The following DERA variants were observed in gnomAD, a reference collection of about 807,000 sequenced individuals.
DERA encodes deoxyribose-phosphate aldolase.
Under a neutral mutation model 41.1 loss-of-function variants are expected in DERA, and 15 were observed. That is an observed-to-expected ratio of 0.37 (90% CI 0.24 to 0.56). DERA has a LOEUF of 0.56. Among genes scored for constraint, DERA ranks in the 20% least tolerant of loss-of-function variants. The probability of loss-of-function intolerance (pLI) is 0.81; values close to 1 mark genes in which losing one functional copy is unlikely to be tolerated. For synonymous variants in DERA, 139 were observed against 137.4 expected (o/e 1.01, Z -0.08); for missense variants, 396 against 403.4 (o/e 0.98, Z 0.16).
At chr12:16,029,418 C>T (rs1402503424) in intron 6 of DERA, among the ~76,000 whole-genome samples, 2 of 144,386 alleles carry the variant, frequency 1.4e-5, no homozygotes, top group Non-Finnish European at 3.0e-5. Context: ...CAGAGCGAGA[C>T]TCCGTCTCAA....
chr12:15,964,190 AG>A (rs1307377241), intron 5 of DERA, among the ~76,000 whole-genome samples: 1 of 152,234 alleles, frequency 6.6e-6, no homozygotes, highest in Non-Finnish European at 1.5e-5. Flanking sequence ...ACCATAGGAA[AG>A]AAAGGCTTTT....
At chr12:15,917,333 C>T (rs1948208028) in intron 1 of DERA, among the ~76,000 whole-genome samples, 1 of 152,120 alleles carries the variant, frequency 6.6e-6, no homozygotes, top group South Asian at 2.1e-4. Context: ...CAGGGAATTT[C>T]CCAACTGGAG....
At chr12:16,030,582 CTTCA>C (rs1199778819) in intron 6 of DERA, among the ~76,000 whole-genome samples, 1 of 152,112 alleles carries the variant, frequency 6.6e-6, no homozygotes, top group East Asian at 1.9e-4. Flanking sequence ...TGCACATTTC[CTTCA>C]TTCAATCTCT....
In DERA at chr12:16,010,340, C is replaced by G. The variant is rs1948938936; in HGVS notation, c.638-22202C>G. Among the ~76,000 whole-genome samples the G allele has an allele frequency of 1.3e-5, 2 of 152,160 alleles. No individual in the cohort carries two copies. The highest frequency in any genetic ancestry group is 4.8e-5 in the African/African-American group (2 of 41,428). ...CCCTTCACAACCTTCTCCTTGCTTT[C>G]TCCTTGCCTCATGTGTCTTCAGGAA... On this transcript the variant is annotated intron_variant, in intron 6 of 8. Transcript: ENST00000428559. The surrounding 1 kb of genome is among the most constrained non-coding windows in gnomAD (Gnocchi z 5.5).
rs1948745828 is a variant in DERA at position 15,983,519 on chromosome 12, C to T, written c.637+1083C>T. On this transcript the variant is annotated intron_variant, in intron 6 of 8. Coordinates refer to ENST00000428559, the MANE Select transcript of DERA (RefSeq NM_015954.4). This position sits in a 1 kb window ranked among gnomAD's most constrained non-coding sequence, Gnocchi z 6.2. The stretch of plus-strand genomic sequence containing the variant: ...CCACCTTTTTCAGGAATTATTTCCC[C>T]TGACACTGCTTCTCCCCCTGCTGTT... 6.6e-6 allele frequency among the ~76,000 whole-genome samples: 1 copy of T among 152,200 alleles called. No individual in the cohort carries two copies. Among genetic ancestry groups the T allele is most frequent in the Non-Finnish European group, 1.5e-5 (1 of 68,040 alleles).
intron 6 of DERA, among the ~76,000 whole-genome samples, chr12:16,028,889 AT>A (rs2136188425): frequency 6.6e-6 from 1 of 152,318 alleles, no homozygotes; most frequent in Non-Finnish European, 1.5e-5. Context: ...GCCAAGAGCA[AT>A]CTATGGAGGC....
rs1263427127 is a variant in DERA, at chr12:15,944,803, T to C, written c.32-12133T>C. 6.6e-5 allele frequency among the ~76,000 whole-genome samples: 10 copies of C among 152,220 alleles called. No homozygotes were observed. The East Asian group carries it at 1.7e-3, about 26-fold the overall frequency. On this transcript the variant is annotated intron_variant, in intron 1 of 8. Coordinates refer to ENST00000428559, the MANE Select transcript of DERA (RefSeq NM_015954.4). ...GGTGTTTTAGACATGAAGTCCTTGCTCATGCCTATGTCCTGAATGGTATTG... is the reference window on the plus strand; with the variant it reads ...GGTGTTTTAGACATGAAGTCCTTGCCCATGCCTATGTCCTGAATGGTATTG...
In DERA at chr12:16,011,628, G is replaced by T. The variant is rs571979416; in HGVS notation, c.638-20914G>T. ...CGATTTTGTCATTTTAACATGAGAT[G>T]ACTTTAAAACTAATCAATGAAAGGC... On this transcript the variant is annotated intron_variant, in intron 6 of 8. Coordinates refer to ENST00000428559, the MANE Select transcript of DERA (RefSeq NM_015954.4). The surrounding 1 kb of genome is among the most constrained non-coding windows in gnomAD (Gnocchi z 4.7). Among the ~76,000 whole-genome samples the T allele has an allele frequency of 1.3e-5, 2 of 152,256 alleles. No individual in the cohort carries two copies. The highest frequency in any genetic ancestry group is 4.8e-5 in the African/African-American group (2 of 41,552).
intron 1 of DERA, among the ~76,000 whole-genome samples, chr12:15,937,152 C>T (rs548169499): frequency 5.3e-5 from 8 of 152,182 alleles, no homozygotes; most frequent in Admixed American, 4.6e-4. Flanking sequence ...GACAGGGTCT[C>T]ACCATATTGC....
At position 15,981,039 on chromosome 12, in the gene DERA, C is replaced by T. The variant is rs1402369226; in HGVS notation, c.509-1269C>T. On this transcript the variant is annotated intron_variant, in intron 5 of 8. Coordinates refer to ENST00000428559, the MANE Select transcript of DERA (RefSeq NM_015954.4). This position sits in a 1 kb window ranked among gnomAD's most constrained non-coding sequence, Gnocchi z 6.1. ...ATGTTTCCCTCCTGCTTGGTTTACT[C>T]TGTATGTTTATAAAACTACTTCCTA... is the stretch of plus-strand genomic sequence containing the variant. Among the ~76,000 whole-genome samples the T allele has an allele frequency of 6.6e-6, 1 of 152,112 alleles. No homozygotes were observed. Among genetic ancestry groups the T allele is most frequent in the Non-Finnish European group, 1.5e-5 (1 of 68,016 alleles).
chr12:15,929,361 A>G (rs1212552680), intron 1 of DERA, among the ~76,000 whole-genome samples: 1 of 152,218 alleles, frequency 6.6e-6, no homozygotes, highest in Non-Finnish European at 1.5e-5. Context: ...AGTGTTTTGA[A>G]TCAGCACCCA....
In DERA at chr12:15,924,723, C is replaced by A. The variant is rs1948269674; in HGVS notation, c.31+13309C>A. Among the ~76,000 whole-genome samples the A allele has an allele frequency of 6.6e-6, 1 of 152,146 alleles. No homozygotes were observed. Among genetic ancestry groups the A allele is most frequent in the Non-Finnish European group, 1.5e-5 (1 of 68,026 alleles). On this transcript the variant is annotated intron_variant, in intron 1 of 8. Coordinates refer to ENST00000428559, the MANE Select transcript of DERA (RefSeq NM_015954.4). This position sits in a 1 kb window ranked among gnomAD's most constrained non-coding sequence, Gnocchi z 5.0. The stretch of plus-strand genomic sequence containing the variant: ...AGCCATTATTGTAATTCCAATCGAT[C>A]CTATATTGTGAAAATACTTGGCTTT...
In DERA at chr12:16,003,772, C is replaced by T. The variant is rs1194574723; in HGVS notation, c.637+21336C>T. Among the ~76,000 whole-genome samples, 2 of 152,158 alleles carry T rather than the reference C, an allele frequency of 1.3e-5. No homozygotes were observed. Among genetic ancestry groups the T allele is most frequent in the African/African-American group, 2.4e-5 (1 of 41,424 alleles). ...TGAGAAGCTCCCAGCTTCCATAACTCCTCACTGCCCCTTCCCCGCAAAACC... is the reference window on the plus strand; with the variant it reads ...TGAGAAGCTCCCAGCTTCCATAACTTCTCACTGCCCCTTCCCCGCAAAACC... On this transcript the variant is annotated intron_variant, in intron 6 of 8. Transcript: ENST00000428559. This position sits in a 1 kb window ranked among gnomAD's most constrained non-coding sequence, Gnocchi z 4.8.
rs979375740 is a variant in DERA at position 15,982,607 on chromosome 12, C to T, written c.637+171C>T. The stretch of plus-strand genomic sequence containing the variant: ...GTTCAATGTGAAGTGGTCAAAAACT[C>T]CTGGCTTTCTTCCACATTTTTTTTT... On this transcript the variant is annotated intron_variant, in intron 6 of 8. Transcript: ENST00000428559. The surrounding 1 kb of genome is among the most constrained non-coding windows in gnomAD (Gnocchi z 4.0). Among the ~76,000 whole-genome samples, 1 of 152,188 alleles carries T rather than the reference C, an allele frequency of 6.6e-6. No individual in the cohort carries two copies.
chr12:15,927,700 G>T (rs1948297464), intron 1 of DERA, among the ~76,000 whole-genome samples: 1 of 152,222 alleles, frequency 6.6e-6, no homozygotes, highest in South Asian at 2.1e-4. Flanking sequence ...AGTGTATGTG[G>T]TTCCGGAGAT....
At chr12:15,917,448 AACAT>A (rs1948208994) in intron 1 of DERA, among the ~76,000 whole-genome samples, 1 of 152,216 alleles carries the variant, frequency 6.6e-6, no homozygotes, top group South Asian at 2.1e-4. Flanking sequence ...TTTAATACTT[AACAT>A]ACATATGTTA....
chr12:15,986,540 T>C (rs190451056), intron 6 of DERA, among the ~76,000 whole-genome samples: 56 of 152,318 alleles, frequency 3.7e-4, no homozygotes, highest in South Asian at 2.1e-4. Context: ...TTTTTCACAG[T>C]CTACTTGGAA....
Position 15,996,755 on chromosome 12 carries a change from C to T in DERA, c.637+14319C>T, listed in dbSNP as rs1948840769. Among the ~76,000 whole-genome samples, 1 of 152,048 alleles carries T rather than the reference C, an allele frequency of 6.6e-6. No homozygotes were observed. Among genetic ancestry groups the T allele is most frequent in the Non-Finnish European group, 1.5e-5 (1 of 68,008 alleles). On this transcript the variant is annotated intron_variant, in intron 6 of 8. Transcript: ENST00000428559. This position sits in a 1 kb window ranked among gnomAD's most constrained non-coding sequence, Gnocchi z 4.7. ...TCTTATTATTTTCTGTCAAGAAGAC[C>T]TGAAGAAGTTAGAGAAAAATATTTT... is the stretch of plus-strand genomic sequence containing the variant.
At chr12:16,005,481 A>G (rs960569575) in intron 6 of DERA, among the ~76,000 whole-genome samples, 15 of 152,186 alleles carry the variant, frequency 9.9e-5, no homozygotes, top group African/African-American at 3.4e-4. Context: ...GCTCGCTTCA[A>G]CCGAGTGAAT....
Sources: allele counts gnomAD v4.1 joint callset (sites outside exome capture counted in the v4.1 genomes callset), GRCh38; gene constraint gnomAD v4.1.1; non-coding constraint Gnocchi (gnomAD v3.1); transcripts MANE v1.5; gene names NCBI Gene and HGNC (gene_info 2026-07-23, HGNC 2026-07-21).